The following FSIP1 variants were observed in gnomAD, a reference collection of about 807,000 sequenced individuals.
The protein encoded by FSIP1 is fibrous sheath-interacting protein 1.
Under a neutral mutation model 60.9 loss-of-function variants are expected in FSIP1, and 65 were observed. The observed-to-expected ratio is 1.07, with a 90% confidence interval of 0.87 to 1.31. The LOEUF (loss-of-function observed/expected upper bound fraction) is 1.31. FSIP1 is among the 40% of genes most tolerant of loss of function. The pLI, the probability that FSIP1 is intolerant of heterozygous loss-of-function variation, is 0.00. For synonymous variants in FSIP1, 209 were observed against 221.2 expected (o/e 0.94, Z 0.49); for missense variants, 675 against 665.5 (o/e 1.01, Z -0.16).
At chr15:39,765,063 T>C (rs972110789) in intron 4 of FSIP1, among the ~76,000 whole-genome samples, 5 of 152,048 alleles carry the variant, frequency 3.3e-5, no homozygotes, top group Non-Finnish European at 7.4e-5. Flanking sequence ...GTGCTTGAAA[T>C]CTGAATGTTG....
rs926959693 is a variant in FSIP1, at chr15:39,690,825, A to G, written c.1188+22619T>C. 3.9e-5 allele frequency among the ~76,000 whole-genome samples: 6 copies of G among 152,316 alleles called. No individual in the cohort carries two copies. The East Asian group carries it at 1.2e-3, about 29-fold the overall frequency. ...TGTCAAAGGATCGATACTGTGCCAG[A>G]AACCCAGGCTCAGCCACAAGCCCTC... On this transcript the variant is annotated intron_variant, in intron 10 of 11. Transcript: ENST00000350221.
chr15:39,626,430 A>T (rs1335547245), intron 10 of FSIP1, among the ~76,000 whole-genome samples: 1 of 152,148 alleles, frequency 6.6e-6, no homozygotes, highest in Non-Finnish European at 1.5e-5. Context: ...GAAGGTGGAG[A>T]TGTGGCATGG....
intron 10 of FSIP1, among the ~76,000 whole-genome samples, chr15:39,631,223 G>A (rs1257697448): frequency 6.6e-6 from 1 of 152,172 alleles, no homozygotes; most frequent in Non-Finnish European, 1.5e-5. Context: ...CTCTTAGTCT[G>A]TCCCCTTACT....
intron 10 of FSIP1, among the ~76,000 whole-genome samples, chr15:39,681,909 T>C (rs572069014): frequency 6.6e-6 from 1 of 152,226 alleles, no homozygotes; most frequent in African/African-American, 2.4e-5. Flanking sequence ...CAGGACCTAC[T>C]GAGATGCTTT....
chr15:39,705,790 G>C (rs912318966), intron 10 of FSIP1, among the ~76,000 whole-genome samples: 1 of 152,062 alleles, frequency 6.6e-6, no homozygotes, highest in African/African-American at 2.4e-5. Flanking sequence ...TTGAGGTCAG[G>C]AGTTCGAGAC....
intron 10 of FSIP1, among the ~76,000 whole-genome samples, chr15:39,658,529 C>T (rs981914508): frequency 1.3e-5 from 2 of 152,054 alleles, no homozygotes; most frequent in African/African-American, 2.4e-5. Context: ...GGATTACAGG[C>T]GTGAGCCACC....
intron 10 of FSIP1, among the ~76,000 whole-genome samples, chr15:39,627,213 C>T (rs1019025731): frequency 1.3e-5 from 2 of 152,136 alleles, no homozygotes; most frequent in Non-Finnish European, 2.9e-5. Context: ...TGCCTGCTGC[C>T]GGGCTGAGCA....
intron 10 of FSIP1, among the ~76,000 whole-genome samples, chr15:39,624,435 G>A (rs1440282853): frequency 6.6e-6 from 1 of 152,098 alleles, no homozygotes; most frequent in Non-Finnish European, 1.5e-5. Context: ...AAAAATAAAG[G>A]CACTCCAGTT....
intron 10 of FSIP1, among the ~76,000 whole-genome samples, chr15:39,705,738 C>G (rs1476790862): frequency 6.6e-6 from 1 of 152,016 alleles, no homozygotes; most frequent in African/African-American, 2.4e-5. Context: ...TGGCTCACAC[C>G]TGTAATCCCA....
At chr15:39,618,690 G>GCA (rs1891333363) in intron 10 of FSIP1, among the ~76,000 whole-genome samples, 3 of 152,212 alleles carry the variant, frequency 2.0e-5, no homozygotes, top group African/African-American at 7.2e-5. Flanking sequence ...CAGAGGCGGT[G>GCA]TATTTGGGGA....
chr15:39,652,757 C>G (rs1006526181), intron 10 of FSIP1, among the ~76,000 whole-genome samples: 1 of 152,114 alleles, frequency 6.6e-6, no homozygotes, highest in Non-Finnish European at 1.5e-5. Flanking sequence ...TATGGTATGG[C>G]CTATTGCTCC....
chr15:39,760,984 T>C (rs1897476985), intron 5 of FSIP1, among the ~76,000 whole-genome samples: 1 of 152,108 alleles, frequency 6.6e-6, no homozygotes, highest in South Asian at 2.1e-4. Context: ...ATGTTCAACC[T>C]CACTAATCAT....
intron 5 of FSIP1, among the ~76,000 whole-genome samples, chr15:39,755,834 A>G (rs1897284183): frequency 1.3e-5 from 2 of 152,202 alleles, no homozygotes; most frequent in Admixed American, 1.3e-4. Flanking sequence ...CGTGACAAAG[A>G]CAAAAAGAAT....
chr15:39,643,262 A>G (rs1479290553), intron 10 of FSIP1, among the ~76,000 whole-genome samples: 1 of 152,258 alleles, frequency 6.6e-6, no homozygotes, highest in Non-Finnish European at 1.5e-5. Context: ...AAACATTTAA[A>G]AGATGAGTAG....
chr15:39,726,812 A>G, intron 8 of FSIP1, 65 bp from the exon 9 acceptor site: 1 of 1,374,760 alleles, frequency 7.3e-7, no homozygotes, highest in Non-Finnish European at 1.0e-6. Flanking sequence ...ATACCTTTCA[A>G]GTGGCTATAA....
chr15:39,727,703 C>G (rs1896250766), intron 8 of FSIP1, among the ~76,000 whole-genome samples: 1 of 152,042 alleles, frequency 6.6e-6, no homozygotes, highest in Admixed American at 6.6e-5. Flanking sequence ...ACATAAAGAT[C>G]AAGGATAAAG....
chr15:39,640,588 G>A (rs569769315), intron 10 of FSIP1, among the ~76,000 whole-genome samples: 4 of 152,196 alleles, frequency 2.6e-5, no homozygotes, highest in Non-Finnish European at 4.4e-5. Flanking sequence ...TCTGGGGTAC[G>A]TGATAAAAGA....
At chr15:39,741,308 T>C (rs1351294441) in intron 6 of FSIP1, among the ~76,000 whole-genome samples, 1 of 152,242 alleles carries the variant, frequency 6.6e-6, no homozygotes, top group Non-Finnish European at 1.5e-5. Context: ...CCTCTTCTCC[T>C]CTCCAGTCTG....
intron 5 of FSIP1, among the ~76,000 whole-genome samples, chr15:39,754,293 T>A (rs920730542): frequency 2.6e-5 from 4 of 152,000 alleles, no homozygotes; most frequent in Non-Finnish European, 4.4e-5. Context: ...CCGGCAACCA[T>A]TTGACAGGAG....
Sources: gnomAD v4.1 joint callset for allele counts (sites outside exome capture counted in the v4.1 genomes callset) on GRCh38, gnomAD v4.1.1 for gene constraint, MANE v1.5 for transcripts, NCBI Gene and HGNC (gene_info 2026-07-23, HGNC 2026-07-21) for gene names.